EDIL3: variants seen among roughly 807,000 people sequenced by gnomAD.
EDIL3 encodes the protein EGF like and discoidin domains 3, also known as EGF-like repeat and discoidin I-like domain-containing protein 3.
EDIL3 carries 37 observed loss-of-function variants against 67.4 expected under a neutral mutation model. That is an observed-to-expected ratio of 0.55 (90% confidence interval 0.42 to 0.72). The LOEUF (loss-of-function observed/expected upper bound fraction) is 0.72, where lower values mean the gene tolerates loss of function less well. EDIL3 is among the 30% of genes least tolerant of loss of function. The probability of loss-of-function intolerance (pLI) is 0.00; values close to 1 mark genes in which losing one functional copy is unlikely to be tolerated. For synonymous variants in EDIL3, 195 were observed against 196.3 expected (o/e 0.99, Z 0.05); for missense variants, 527 against 586.3 (o/e 0.90, Z 1.04).
intron 1 of EDIL3, among the ~76,000 whole-genome samples, chr5:84,372,847 T>C (rs1747883622): frequency 6.6e-6 from 1 of 152,156 alleles, no homozygotes; most frequent in Admixed American, 6.5e-5. Flanking sequence ...ATGAGATACA[T>C]CAATTATTAT....
At chr5:84,216,689 G>C (rs993816195) in intron 3 of EDIL3, among the ~76,000 whole-genome samples, 9 of 152,074 alleles carry the variant, frequency 5.9e-5, no homozygotes, top group African/African-American at 1.9e-4. Context: ...CTACATAGAG[G>C]CCTCTGCATA....
intron 1 of EDIL3, among the ~76,000 whole-genome samples, chr5:84,277,699 T>C (rs1038517501): frequency 6.6e-6 from 1 of 152,156 alleles, no homozygotes; most frequent in African/African-American, 2.4e-5. Flanking sequence ...TACCAACTTA[T>C]CATAGACATA....
chr5:84,245,114 T>C (rs1340913314), intron 2 of EDIL3, among the ~76,000 whole-genome samples: 1 of 152,200 alleles, frequency 6.6e-6, no homozygotes, highest in African/African-American at 2.4e-5. Context: ...TTAGAGAATG[T>C]CCCTTTCTTT....
chr5:84,114,108 T>A (rs1747621656), intron 5 of EDIL3, among the ~76,000 whole-genome samples: 1 of 152,060 alleles, frequency 6.6e-6, no homozygotes, highest in Non-Finnish European at 1.5e-5. Flanking sequence ...AAGGCTACTC[T>A]TTCTCACGCT....
At position 83,940,870 on chromosome 5, in the gene EDIL3, CAGAAAG is replaced by C. The variant is rs951155304; in HGVS notation, c.*2543_*2548del. On this transcript the variant is annotated 3_prime_UTR_variant, in exon 11 of 11. Coordinates refer to ENST00000296591, the MANE Select transcript of EDIL3 (RefSeq NM_005711.5). Reference sequence around the variant, plus strand: ...TCACACCAAACTTTATGAAGTCATTCAGAAAGAGAAAGTCAATCCTAAAATTAAAAT... The same window carrying C: ...TCACACCAAACTTTATGAAGTCATTCAGAAAGTCAATCCTAAAATTAAAAT... 2 of 151,914 alleles carry C rather than the reference CAGAAAG, an allele frequency of 1.3e-5. No homozygotes were observed. Among genetic ancestry groups the C allele is most frequent in the African/African-American group, 4.8e-5 (2 of 41,400 alleles). 9.4% of individuals were successfully genotyped at this position (151,914 alleles called of 1,614,324 possible).
rs1383426380 is a variant in EDIL3 at position 84,209,334 on chromosome 5, C to T, written c.226+20521G>A. ...GGCACATGTATACATATGTAACTAA[C>T]CTGTACATGGTGCACATGTACCCTA... On this transcript the variant is annotated intron_variant, in intron 3 of 10. Coordinates refer to ENST00000296591, the MANE Select transcript of EDIL3 (RefSeq NM_005711.5). 2.0e-5 allele frequency among the ~76,000 whole-genome samples: 3 copies of T among 151,922 alleles called. No homozygotes were observed. In the South Asian group the frequency reaches 6.3e-4, roughly 32 times the overall value.
chr5:83,978,117 A>G (rs978058692), intron 9 of EDIL3, among the ~76,000 whole-genome samples: 18 of 152,082 alleles, frequency 1.2e-4, no homozygotes, highest in African/African-American at 4.1e-4. Context: ...AAAGGAAAAG[A>G]CTACAAACAC....
intron 1 of EDIL3, among the ~76,000 whole-genome samples, chr5:84,269,672 A>C (rs1441809249): frequency 1.3e-5 from 2 of 152,186 alleles, no homozygotes; most frequent in Non-Finnish European, 2.9e-5. Context: ...GATCTACTTT[A>C]TTGCATAACT....
chr5:84,000,768 A>G (rs1690299585), intron 9 of EDIL3, among the ~76,000 whole-genome samples: 1 of 152,100 alleles, frequency 6.6e-6, no homozygotes, highest in Non-Finnish European at 1.5e-5. Context: ...CATTTCAGAC[A>G]TCTTCACTAA....
chr5:84,279,238 T>C (rs1037922510), intron 1 of EDIL3, among the ~76,000 whole-genome samples: 3 of 152,214 alleles, frequency 2.0e-5, no homozygotes, highest in Admixed American at 2.0e-4. Flanking sequence ...TTCAAATATA[T>C]GTGGGTAATC....
At chr5:84,125,087 G>A (rs1047175934) in intron 5 of EDIL3, among the ~76,000 whole-genome samples, 8 of 151,922 alleles carry the variant, frequency 5.3e-5, no homozygotes, top group Admixed American at 2.0e-4. Flanking sequence ...AGACTATAGG[G>A]TCTACAAATA....
At chr5:84,269,587 A>G (rs1008369469) in intron 1 of EDIL3, among the ~76,000 whole-genome samples, 6 of 152,126 alleles carry the variant, frequency 3.9e-5, no homozygotes, top group African/African-American at 1.4e-4. Context: ...TTTCTCCACA[A>G]TAGTAATTTT....
intron 2 of EDIL3, among the ~76,000 whole-genome samples, chr5:84,244,407 T>C (rs1744863687): frequency 6.6e-6 from 1 of 151,764 alleles, no homozygotes; most frequent in Non-Finnish European, 1.5e-5. Flanking sequence ...GCCTCCTGAG[T>C]AGCGGGGATT....
chr5:84,373,117 A>C (rs1235439566), intron 1 of EDIL3, among the ~76,000 whole-genome samples: 1 of 151,978 alleles, frequency 6.6e-6, no homozygotes, highest in African/African-American at 2.4e-5. Flanking sequence ...TTTTAATTTC[A>C]TGTCATCTTT....
intron 1 of EDIL3, among the ~76,000 whole-genome samples, chr5:84,347,167 T>C (rs1039002198): frequency 5.9e-5 from 9 of 152,188 alleles, no homozygotes; most frequent in Non-Finnish European, 8.8e-5. Flanking sequence ...TGTCCACATG[T>C]TCTGTCCTAG....
intron 1 of EDIL3, among the ~76,000 whole-genome samples, chr5:84,276,689 C>T (rs1238741083): frequency 6.6e-6 from 1 of 152,052 alleles, no homozygotes; most frequent in African/African-American, 2.4e-5. Flanking sequence ...CTGCCTCAGA[C>T]TCTGGAGTAG....
chr5:83,991,639 C>A (rs1357763749), intron 9 of EDIL3, among the ~76,000 whole-genome samples: 1 of 152,074 alleles, frequency 6.6e-6, no homozygotes, highest in East Asian at 1.9e-4. Context: ...AGTATCGTGG[C>A]GACTTGGTAC....
chr5:84,180,467 G>T lies in EDIL3; in HGVS notation c.281C>A (p.Ala94Glu). The T allele has an allele frequency of 6.2e-7, 1 of 1,608,574 alleles. No individual in the cohort carries two copies. Among genetic ancestry groups the T allele is most frequent in the Non-Finnish European group, 8.5e-7 (1 of 1,177,340 alleles). ...HNGGTCEISEAYRGDTFIGYV... is the reference protein window; with the variant it reads ...HNGGTCEISEEYRGDTFIGYV... ...GCCTATGAATGTATCCCCTCGGTAT[G>T]CTTCACTTATTTCACAGGTTCCTCC... is the stretch of plus-strand genomic sequence containing the variant. The change falls in exon 4 of 11, where the codon GCA (alanine) becomes GAA (glutamate). Residue 94 changes from alanine (A) to glutamate (E), a missense_variant. Physicochemically the swap from Ala to Glu is moderately radical, Grantham distance 107. Around this residue, in one of 2 missense-constraint regions of EDIL3, gnomAD observed 494 missense variants for 522.5 expected, o/e 0.95. Coordinates refer to ENST00000296591, the MANE Select transcript of EDIL3 (RefSeq NM_005711.5).
intron 6 of EDIL3, among the ~76,000 whole-genome samples, chr5:84,069,689 G>A (rs773547307): frequency 1.3e-5 from 2 of 152,098 alleles, no homozygotes; most frequent in Non-Finnish European, 2.9e-5. Flanking sequence ...ATGGGGTGGC[G>A]ACAGGGAAGT....
Sources: allele counts gnomAD v4.1 joint callset (sites outside exome capture counted in the v4.1 genomes callset), GRCh38; gene constraint gnomAD v4.1.1; regional missense constraint gnomAD v4.1.1; transcripts MANE v1.5; gene names NCBI Gene and HGNC (gene_info 2026-07-23, HGNC 2026-07-21).